Variants in LRP1B observed in about 807,000 individuals in gnomAD.
LRP1B encodes the protein LDL receptor related protein 1B.
In LRP1B, 217 loss-of-function variants were observed where a neutral mutation model predicts 556.6. The ratio of observed to expected loss-of-function variants is 0.39; its 90% CI spans 0.35 to 0.44. The LOEUF (loss-of-function observed/expected upper bound fraction) is 0.44. Among genes scored for constraint, LRP1B ranks in the 20% least tolerant of loss-of-function variants. LRP1B has a pLI of 1.00. For missense variants in LRP1B, 5,053 were observed against 5,620.8 expected (o/e 0.90, Z 3.23); for synonymous variants, 2,047 against 1,865.8 (o/e 1.10, Z -2.50).
chr2:141,843,484 T>G (rs1697545257), intron 1 of LRP1B, among the ~76,000 whole-genome samples: 1 of 152,184 alleles, frequency 6.6e-6, no homozygotes. Flanking sequence ...ATCTAAGTTG[T>G]GCCCCGAGTG....
chr2:141,992,408 A>G (rs1332031479), intron 1 of LRP1B, among the ~76,000 whole-genome samples: 2 of 152,132 alleles, frequency 1.3e-5, no homozygotes, highest in Non-Finnish European at 2.9e-5. Context: ...GCCCCCATTA[A>G]TTGGAATAGA....
Position 140,478,995 on chromosome 2 carries a change from G to C in LRP1B, c.9426-3658C>G, listed in dbSNP as rs1166305703. Among the ~76,000 whole-genome samples, 3 of 151,792 alleles carry C rather than the reference G, an allele frequency of 2.0e-5. No individual in the cohort carries two copies. In the East Asian group the frequency reaches 5.8e-4, roughly 29 times the overall value. ...TGTATCTTTGAATATGATTTGCCTT[G>C]ATTTTATGTAAGTTATTACATGATT... On this transcript the variant is annotated intron_variant, in intron 59 of 90. Transcript: ENST00000389484.
intron 2 of LRP1B, among the ~76,000 whole-genome samples, chr2:141,620,531 T>C (rs934738669): frequency 2.0e-5 from 3 of 152,202 alleles, no homozygotes; most frequent in Admixed American, 2.0e-4. Flanking sequence ...TACAGACATA[T>C]TGGATATGAG....
chr2:140,881,275 T>TGTGC (rs1553551627), intron 25 of LRP1B, among the ~76,000 whole-genome samples: 295 of 151,636 alleles, frequency 1.9e-3, no homozygotes, highest in African/African-American at 6.7e-3. Context: ...TGTGTGTGTG[T>TGTGC]GCGTGTGTGT....
intron 2 of LRP1B, among the ~76,000 whole-genome samples, chr2:141,622,877 T>A (rs1688554195): frequency 6.6e-6 from 1 of 152,168 alleles, no homozygotes; most frequent in Admixed American, 6.5e-5. Flanking sequence ...TATGAAGTGT[T>A]CTGATTTTTT....
At chr2:141,280,956 T>A (rs1302896316) in intron 3 of LRP1B, among the ~76,000 whole-genome samples, 1 of 151,984 alleles carries the variant, frequency 6.6e-6, no homozygotes, top group Non-Finnish European at 1.5e-5. Flanking sequence ...ATTTATATTT[T>A]CATAAATTTG....
intron 1 of LRP1B, among the ~76,000 whole-genome samples, chr2:142,073,226 A>G (rs1382864296): frequency 6.6e-6 from 1 of 152,034 alleles, no homozygotes; most frequent in African/African-American, 2.4e-5. Flanking sequence ...TCTTTGGAAT[A>G]TGAGGTATAA....
chr2:140,284,763 G>C (rs767996725), intron 84 of LRP1B, among the ~76,000 whole-genome samples: 1 of 143,822 alleles, frequency 7.0e-6, no homozygotes, highest in Non-Finnish European at 1.5e-5. Flanking sequence ...CCAAAAATAT[G>C]AGTGAAAAGT....
In LRP1B at chr2:140,363,658, TCTATAG is replaced by T. The variant is rs748165804; in HGVS notation, c.11131+997_11131+1002del. 1.6e-3 allele frequency among the ~76,000 whole-genome samples: 239 copies of T among 151,620 alleles called. 2 individuals are homozygous for T. The highest frequency in any genetic ancestry group is 9.5e-4 in the Non-Finnish European group (64 of 67,712). On this transcript the variant is annotated intron_variant, in intron 72 of 90. Coordinates refer to ENST00000389484, the MANE Select transcript of LRP1B (RefSeq NM_018557.3). ...GCATTACTCATCATAATGAGTTGTA[TCTATAG>T]AAAAAAACTCTCCAAAACCTGTTTT... is the stretch of plus-strand genomic sequence containing the variant.
chr2:140,244,374 T>G (rs1573675145), intron 87 of LRP1B, among the ~76,000 whole-genome samples: 1 of 151,314 alleles, frequency 6.6e-6, no homozygotes, highest in African/African-American at 2.4e-5. Flanking sequence ...CATCTCTACA[T>G]TACTGCACCA....
At chr2:140,987,908 T>C (rs764791985) in intron 17 of LRP1B, among the ~76,000 whole-genome samples, 6 of 151,988 alleles carry the variant, frequency 3.9e-5, no homozygotes, top group Non-Finnish European at 5.9e-5. Flanking sequence ...TGCTTGCACC[T>C]GGGAGGCGAA....
intron 18 of LRP1B, among the ~76,000 whole-genome samples, chr2:140,960,355 T>C (rs1388548107): frequency 2.0e-5 from 3 of 151,826 alleles, no homozygotes; most frequent in African/African-American, 7.2e-5. Context: ...ATTCTAGTTA[T>C]AGATCTTTCT....
intron 6 of LRP1B, among the ~76,000 whole-genome samples, chr2:141,204,266 C>G (rs950929232): frequency 6.6e-6 from 1 of 152,110 alleles, no homozygotes; most frequent in African/African-American, 2.4e-5. Flanking sequence ...TTTCAAGAAT[C>G]AAGTCCAACA....
At chr2:141,242,533 A>G (rs369317628) in intron 5 of LRP1B, among the ~76,000 whole-genome samples, 8 of 152,170 alleles carry the variant, frequency 5.3e-5, no homozygotes, top group Admixed American at 2.0e-4. Flanking sequence ...CATTGCCTCA[A>G]TAGTCTTCTG....
intron 2 of LRP1B, among the ~76,000 whole-genome samples, chr2:141,650,174 A>C (rs355563): frequency 0.83 from 126,985 of 152,174 alleles, 53,085 homozygotes; most frequent in East Asian, 0.94. Context: ...AGCAAAGAGG[A>C]ATGTCAATAT....
intron 32 of LRP1B, among the ~76,000 whole-genome samples, chr2:140,804,638 G>A (rs1439600219): frequency 7.3e-6 from 1 of 137,370 alleles, no homozygotes; most frequent in Non-Finnish European, 1.5e-5. Context: ...AGTTAGTGTA[G>A]GTAAAAACTA....
At chr2:141,521,306 T>G (rs4384718) in intron 2 of LRP1B, among the ~76,000 whole-genome samples, 60,433 of 151,908 alleles carry the variant, frequency 0.4, 12,402 homozygotes, top group Non-Finnish European at 0.45. Context: ...TGGAAACTTT[T>G]TATCCACATT....
intron 55 of LRP1B, 39 bp downstream of exon 55, chr2:140,501,647 TA>T (rs2104890299): frequency 7.0e-7 from 1 of 1,431,368 alleles, no homozygotes; most frequent in Non-Finnish European, 9.4e-7. Context: ...CCTCCAATTC[TA>T]ATGTATCGTA....
intron 41 of LRP1B, among the ~76,000 whole-genome samples, chr2:140,650,898 G>C (rs1028709495): frequency 3.3e-5 from 5 of 152,060 alleles, no homozygotes; most frequent in African/African-American, 1.2e-4. Flanking sequence ...CAAGCAGTGA[G>C]CCTCTTTAGC....
Sources: allele counts gnomAD v4.1 joint callset (sites outside exome capture counted in the v4.1 genomes callset), GRCh38; gene constraint gnomAD v4.1.1; transcripts MANE v1.5; gene names NCBI Gene and HGNC (gene_info 2026-07-23, HGNC 2026-07-21).